The following CDK7 variants were observed in gnomAD, a reference collection of about 807,000 sequenced individuals.
The protein encoded by CDK7 is cyclin dependent kinase 7.
CDK7 carries 25 observed loss-of-function variants against 49.1 expected under a neutral mutation model. The observed-to-expected ratio is 0.51, with a 90% CI of 0.37 to 0.71. The LOEUF (loss-of-function observed/expected upper bound fraction) is 0.71, where lower values mean the gene tolerates loss of function less well. Ranked by LOEUF, CDK7 falls within the 30% of genes least tolerant of loss-of-function variation. The pLI, the probability that CDK7 is intolerant of heterozygous loss-of-function variation, is 0.00. For synonymous variants in CDK7, 107 were observed against 140.0 expected, an observed-to-expected ratio of 0.76 and a Z score of 1.67; for missense variants, 316 against 411.7, an observed-to-expected ratio of 0.77 and a Z score of 2.01.
intron 8 of CDK7, among the ~76,000 whole-genome samples, chr5:69,265,344 GAAA>G (rs908618505): frequency 6.9e-6 from 1 of 144,516 alleles, no homozygotes; most frequent in Non-Finnish European, 1.5e-5. Flanking sequence ...GGCTCTGCAT[GAAA>G]AAAAAAAACC....
intron 7 of CDK7, among the ~76,000 whole-genome samples, chr5:69,260,150 C>T (rs1654725594): frequency 6.6e-6 from 1 of 152,204 alleles, no homozygotes; most frequent in Admixed American, 6.5e-5. Context: ...GAGTTTGAGA[C>T]CAGCCTGGCC....
intron 8 of CDK7, among the ~76,000 whole-genome samples, chr5:69,266,935 A>C (rs573473611): frequency 6.6e-6 from 1 of 152,318 alleles, no homozygotes; most frequent in East Asian, 1.9e-4. Context: ...CGTAATTATC[A>C]AAAATGAGAG....
At chr5:69,265,919 GAAAA>G (rs2150222679) in intron 8 of CDK7, among the ~76,000 whole-genome samples, 1 of 147,506 alleles carries the variant, frequency 6.8e-6, no homozygotes, top group South Asian at 2.2e-4. Flanking sequence ...AAAAAAAAAA[GAAAA>G]AAAGAAATCA....
intron 9 of CDK7, 46 bp from the exon 10 acceptor site, chr5:69,272,846 A>G (rs528566059): frequency 5.5e-6 from 7 of 1,266,810 alleles, no homozygotes; most frequent in South Asian, 1.7e-5. Flanking sequence ...TTTGCAATCT[A>G]TATGCCTTTA....
intron 10 of CDK7, 48 bp downstream of exon 10, chr5:69,273,089 A>C (rs781293892): frequency 8.0e-7 from 1 of 1,250,910 alleles, no homozygotes; most frequent in Non-Finnish European, 1.1e-6. Context: ...AAATAATCTT[A>C]ACTGTAGCAT....
chr5:69,242,185 G>T (rs1413108986), intron 2 of CDK7, among the ~76,000 whole-genome samples: 1 of 152,020 alleles, frequency 6.6e-6, no homozygotes, highest in Non-Finnish European at 1.5e-5. Context: ...GAGTTTAATT[G>T]TCACAGGGCC....
rs796578940 is a variant in CDK7 at position 69,238,647 on chromosome 5, C to CT, written c.126+3204dup. Among the ~76,000 whole-genome samples the CT allele has an allele frequency of 1.9e-3, 281 of 144,488 alleles. 1 individual carries two copies. The highest frequency in any genetic ancestry group is 6.1e-3 in the African/African-American group (236 of 38,586). 94.8% of individuals were successfully genotyped at this position (144,488 alleles called of 152,430 possible). ...GCATATTCTTCTGCAACTTGTTATT[C>CT]TTTTTTTTTTATTTTATTTTTTTTT... On this transcript the variant is annotated intron_variant, in intron 2 of 11. Transcript: ENST00000256443.
At chr5:69,256,418 A>ATC (rs1048010907) in intron 5 of CDK7, among the ~76,000 whole-genome samples, 3 of 151,956 alleles carry the variant, frequency 2.0e-5, no homozygotes, top group African/African-American at 7.3e-5. Flanking sequence ...CAGTGGCGCG[A>ATC]TCTCAACTCA....
chr5:69,247,618 T>G (rs773256895), intron 2 of CDK7, among the ~76,000 whole-genome samples: 2 of 152,152 alleles, frequency 1.3e-5, no homozygotes, highest in Non-Finnish European at 2.9e-5. Flanking sequence ...TGCCATTTTC[T>G]TACTTGTTTT....
intron 5 of CDK7, 58 bp from the exon 6 acceptor site, chr5:69,257,985 T>G: frequency 2.4e-6 from 2 of 826,842 alleles, no homozygotes; most frequent in South Asian, 3.1e-5. Context: ...TTGTTTTATG[T>G]GGTAGAGTTT....
At chr5:69,254,049 G>A (rs147670680) in intron 3 of CDK7, among the ~76,000 whole-genome samples, 2 of 152,272 alleles carry the variant, frequency 1.3e-5, no homozygotes, top group African/African-American at 4.8e-5. Flanking sequence ...GCTGTGAGCC[G>A]AGATCATGCC....
At chr5:69,243,234 G>T (rs1247640418) in intron 2 of CDK7, among the ~76,000 whole-genome samples, 1 of 152,184 alleles carries the variant, frequency 6.6e-6, no homozygotes, top group East Asian at 1.9e-4. Flanking sequence ...CGTTTGTAAA[G>T]GAGTATCTCT....
chr5:69,260,922 A>G (rs1028465027), intron 7 of CDK7, among the ~76,000 whole-genome samples: 3 of 152,106 alleles, frequency 2.0e-5, no homozygotes, highest in East Asian at 1.9e-4. Context: ...GGTTCAAGCA[A>G]TCGTGCTACC....
chr5:69,245,469 T>A (rs561139829), intron 2 of CDK7, among the ~76,000 whole-genome samples: 1 of 151,828 alleles, frequency 6.6e-6, no homozygotes, highest in East Asian at 1.9e-4. Flanking sequence ...GCCTCCCAAG[T>A]AGCTGGGATT....
At chr5:69,263,433 ACGCCT>A (rs971827622) in intron 8 of CDK7, among the ~76,000 whole-genome samples, 1 of 152,212 alleles carries the variant, frequency 6.6e-6, no homozygotes, top group Non-Finnish European at 1.5e-5. Flanking sequence ...GTGGTGGCTC[ACGCCT>A]ATAGTCCCAG....
chr5:69,243,822 AGTT>A (rs1718214257), intron 2 of CDK7, among the ~76,000 whole-genome samples: 2 of 105,834 alleles, frequency 1.9e-5, no homozygotes, highest in Admixed American at 1.0e-4. Context: ...CACCAATGAT[AGTT>A]GTTTTTTTTT....
chr5:69,250,713 C>T (rs1272185866), intron 2 of CDK7: 1 of 456,648 alleles, frequency 2.2e-6, no homozygotes, highest in Non-Finnish European at 4.4e-6. Context: ...GACAGAATCT[C>T]CTTTACTCTT....
intron 2 of CDK7, among the ~76,000 whole-genome samples, chr5:69,249,545 T>C (rs1381189577): frequency 7.5e-6 from 1 of 134,184 alleles, no homozygotes; most frequent in Non-Finnish European, 1.5e-5. Context: ...AGCAAGACTC[T>C]GTTTCAAAAA....
At chr5:69,241,110 A>G (rs188358371) in intron 2 of CDK7, among the ~76,000 whole-genome samples, 1 of 152,226 alleles carries the variant, frequency 6.6e-6, no homozygotes. Context: ...TAGCAATGGA[A>G]TTGCTAGATC....
Sources: allele counts gnomAD v4.1 joint callset (sites outside exome capture counted in the v4.1 genomes callset), GRCh38; gene constraint gnomAD v4.1.1; transcripts MANE v1.5; gene names NCBI Gene and HGNC (gene_info 2026-07-23, HGNC 2026-07-21).